The following ZXDC variants were observed in gnomAD, a reference collection of about 807,000 sequenced individuals.
ZXDC encodes the protein ZXD family zinc finger C, also known as zinc finger protein ZXDC.
In ZXDC, 58 loss-of-function variants were observed where a neutral mutation model predicts 63.6. That is an observed-to-expected ratio of 0.91 (90% CI 0.74 to 1.13). The LOEUF (loss-of-function observed/expected upper bound fraction) is 1.13. Among genes scored for constraint, ZXDC ranks in the 50% most tolerant of loss-of-function variants. ZXDC has a pLI of 0.00. For missense variants in ZXDC, 1,133 were observed against 1,148.9 expected, an observed-to-expected ratio of 0.99 and a Z score of 0.20; for synonymous variants, 561 against 496.1, an observed-to-expected ratio of 1.13 and a Z score of -1.74.
At chr3:126,471,740 G>A (rs952775097) in intron 3 of ZXDC, among the ~76,000 whole-genome samples, 9 of 151,434 alleles carry the variant, frequency 5.9e-5, no homozygotes, top group Admixed American at 1.3e-4. Context: ...TAAGAACAGA[G>A]TATGCCAATT....
At chr3:126,457,096 G>A (rs745443816) in intron 7 of ZXDC, among the ~76,000 whole-genome samples, 11 of 152,244 alleles carry the variant, frequency 7.2e-5, no homozygotes, top group African/African-American at 2.4e-4. Context: ...CAGAGGAGAC[G>A]GGGAGGGGTG....
At chr3:126,471,823 T>C (rs1934991307) in intron 3 of ZXDC, 150 bp downstream of exon 3, 6 of 615,782 alleles carry the variant, frequency 9.7e-6, no homozygotes, top group East Asian at 3.2e-5. Context: ...ATTTTCTTTT[T>C]ACAGTTTTCT....
intron 8 of ZXDC, chr3:126,440,846 C>T (rs1351517867): frequency 7.1e-6 from 7 of 986,278 alleles, no homozygotes; most frequent in Non-Finnish European, 8.4e-6. Context: ...TCTTGCCTCT[C>T]TGAGCCCCAG....
chr3:126,451,693 T>C, intron 7 of ZXDC: 1 of 985,414 alleles, frequency 1.0e-6, no homozygotes, highest in African/African-American at 1.7e-5. Context: ...CAACCGGCTG[T>C]GTCTCGCTCG....
rs879303546 is a variant in ZXDC, at chr3:126,451,410, A to C, written c.2212+8243T>G. ...TATAAACAGTCCCGCACTGAGCAGC[A>C]GCAGCATGTGCAGCTTCACACAGAT... On this transcript the variant is annotated intron_variant, in intron 7 of 9. Transcript: ENST00000389709. 15 of 985,336 alleles carry C rather than the reference A, an allele frequency of 1.5e-5. No homozygotes were observed. In the African/African-American group the frequency reaches 2.6e-4, roughly 17 times the overall value. 61.0% of individuals were successfully genotyped at this position (985,336 alleles called of 1,614,324 possible). A position where few individuals can be genotyped will look rare whatever the true frequency, so the allele number is the denominator to read the frequency against.
intron 5 of ZXDC, among the ~76,000 whole-genome samples, chr3:126,463,291 G>A (rs977368624): frequency 9.2e-5 from 14 of 152,022 alleles, no homozygotes; most frequent in African/African-American, 2.9e-4. Context: ...GGATGGTCTC[G>A]ATCTCCTGAC....
intron 4 of ZXDC, among the ~76,000 whole-genome samples, chr3:126,467,991 G>A (rs902753062): frequency 2.0e-5 from 3 of 152,068 alleles, no homozygotes; most frequent in African/African-American, 7.3e-5. Flanking sequence ...TATTTCCTGC[G>A]ACAACCAGGA....
intron 7 of ZXDC, among the ~76,000 whole-genome samples, chr3:126,443,929 GGACT>G (rs1469064441): frequency 6.6e-6 from 1 of 152,116 alleles, no homozygotes; most frequent in Non-Finnish European, 1.5e-5. Context: ...AAGAGGAGTG[GGACT>G]GACTGGTGGT....
In ZXDC at chr3:126,472,015, C is replaced by A; in HGVS notation, c.1097G>T (p.Gly366Val). Residue 366 changes from glycine (G) to valine (V), a missense_variant, in exon 3 of 10, where the codon GGC (glycine) becomes GTC (valine). By Grantham distance (109) the Gly-to-Val change is moderately radical (BLOSUM62 -3). Transcript: ENST00000389709. The part of the protein sequence containing the change: ...RPFICDSDSC[G>V]WTFTSMSKLL... ...TTTGGACATGCTGGTGAAGGTCCAG[C>A]CACAGCTGTCAGAGTCACAAATAAA... 6.2e-7 allele frequency: 1 copy of A among 1,613,724 alleles called. No individual in the cohort carries two copies. The highest frequency in any genetic ancestry group is 8.5e-7 in the Non-Finnish European group (1 of 1,179,890).
intron 6 of ZXDC, 91 bp downstream of exon 6, chr3:126,461,444 T>C (rs1199750421): frequency 5.4e-6 from 8 of 1,476,748 alleles, no homozygotes; most frequent in Non-Finnish European, 7.2e-6. Flanking sequence ...ACCAGAAACG[T>C]CTGCATAGAA....
intron 5 of ZXDC, among the ~76,000 whole-genome samples, chr3:126,465,848 G>C (rs1934735951): frequency 6.6e-6 from 1 of 152,162 alleles, no homozygotes; most frequent in South Asian, 2.1e-4. Context: ...CTACTCTGGA[G>C]ACTGGGGTGG....
chr3:126,455,717 G>GC (rs1439151510), intron 7 of ZXDC, among the ~76,000 whole-genome samples: 2 of 152,170 alleles, frequency 1.3e-5, no homozygotes, highest in Non-Finnish European at 2.9e-5. Flanking sequence ...TATCGTTGAG[G>GC]CCGGGCATGG....
At chr3:126,440,082 C>T in intron 8 of ZXDC, 1 of 1,089,636 alleles carries the variant, frequency 9.2e-7, no homozygotes, top group Non-Finnish European at 1.1e-6. Flanking sequence ...ACCTTGTGTA[C>T]CCAGAGTGCT....
intron 7 of ZXDC, 94 bp from the exon 8 acceptor site, chr3:126,442,040 CCATT>C (rs2107627099): frequency 7.4e-7 from 1 of 1,349,976 alleles, no homozygotes; most frequent in Non-Finnish European, 9.6e-7. Flanking sequence ...GACAGCCTTC[CCATT>C]AATTGTCATT....
chr3:126,438,408 T>G lies in ZXDC; in HGVS notation c.2544A>C (p.Pro848=). 4 of 1,613,800 alleles carry G rather than the reference T, an allele frequency of 2.5e-6. No homozygotes were observed. In the East Asian group the frequency reaches 8.9e-5, roughly 36 times the overall value. The change falls in exon 10 of 10, where the codon CCA becomes CCC. Residue 848 remains proline, a synonymous_variant. Coordinates refer to ENST00000389709, the MANE Select transcript of ZXDC (RefSeq NM_025112.5). ...GPAGPEATQF[P]GSTINLQDLQ Reference sequence around the variant, plus strand: ...GATCCTGCAGGTTGATAGTGCTTCCTGGGAACTGGGTGGCCTCCGGTCCAG... The same window carrying G: ...GATCCTGCAGGTTGATAGTGCTTCCGGGGAACTGGGTGGCCTCCGGTCCAG...
At chr3:126,446,587 G>C (rs1933892555) in intron 7 of ZXDC, among the ~76,000 whole-genome samples, 2 of 152,104 alleles carry the variant, frequency 1.3e-5, no homozygotes, top group South Asian at 2.1e-4. Context: ...ATAACCACAG[G>C]GGGTCATGCG....
chr3:126,462,349 C>A, intron 5 of ZXDC, 129 bp from the exon 6 acceptor site: 2 of 1,424,060 alleles, frequency 1.4e-6, no homozygotes, highest in Non-Finnish European at 1.8e-6. Context: ...CACCCTGAAG[C>A]TTGGTTATCA....
At position 126,444,401 on chromosome 3, in the gene ZXDC, G is replaced by A. The variant is rs550786624; in HGVS notation, c.2213-2455C>T. Reference sequence around the variant, plus strand: ...CAAAAAATTAGCCAGTGGTGGTGGCGGGTGCCTGTAGTCCCAGCTACTCGG... The same window carrying A: ...CAAAAAATTAGCCAGTGGTGGTGGCAGGTGCCTGTAGTCCCAGCTACTCGG... On this transcript the variant is annotated intron_variant, in intron 7 of 9. Coordinates refer to ENST00000389709, the MANE Select transcript of ZXDC (RefSeq NM_025112.5). 4.5e-4 allele frequency among the ~76,000 whole-genome samples: 69 copies of A among 152,056 alleles called. 1 individual carries two copies. Among genetic ancestry groups the A allele is most frequent in the African/African-American group, 1.6e-3 (65 of 41,474 alleles).
At chr3:126,464,232 C>T (rs1419606656) in intron 5 of ZXDC, among the ~76,000 whole-genome samples, 1 of 152,210 alleles carries the variant, frequency 6.6e-6, no homozygotes, top group African/African-American at 2.4e-5. Flanking sequence ...AACACAATCA[C>T]TAAATAAACA....
Sources: gnomAD v4.1 joint callset for allele counts (sites outside exome capture counted in the v4.1 genomes callset) on GRCh38, gnomAD v4.1.1 for gene constraint, MANE v1.5 for transcripts, NCBI Gene and HGNC (gene_info 2026-07-23, HGNC 2026-07-21) for gene names.